PAFAH1B1: variants seen among roughly 807,000 people sequenced by gnomAD.
The protein encoded by PAFAH1B1 is platelet-activating factor acetylhydrolase IB subunit beta.
Under a neutral mutation model 57.5 loss-of-function variants are expected in PAFAH1B1, and 2 were observed. The observed-to-expected ratio is 0.03, with a 90% CI of 0.01 to 0.11. The LOEUF is 0.11. Among genes scored for constraint, PAFAH1B1 ranks in the 10% least tolerant of loss-of-function variants. The pLI, the probability that PAFAH1B1 is intolerant of heterozygous loss-of-function variation, is 1.00. For synonymous variants in PAFAH1B1, 152 were observed against 169.6 expected (o/e 0.90, Z 0.81); for missense variants, 257 against 512.0 (o/e 0.50, Z 4.81).
chr17:2,670,478 A>T (rs377329507), intron 6 of PAFAH1B1, 147 bp downstream of exon 6: 8 of 788,848 alleles, frequency 1.0e-5, no homozygotes, highest in South Asian at 4.4e-5. Context: ...TAGTCCAGGG[A>T]TAAGCCACAG....
chr17:2,683,044 TG>T lies in PAFAH1B1; in HGVS notation c.*1243del, dbSNP rs1172473558. 2 of 152,474 alleles carry T rather than the reference TG, an allele frequency of 1.3e-5. No homozygotes were observed. The highest frequency in any genetic ancestry group is 4.8e-5 in the African/African-American group (2 of 41,464). 9.4% of individuals were successfully genotyped at this position (152,474 alleles called of 1,614,324 possible). A position where few individuals can be genotyped will look rare whatever the true frequency, so the allele number is the denominator to read the frequency against. ...GAATAAATGTTGCTGTGGAATGCCA[TG>T]CTTTAGAACAAACCCTTTTTGATCT... On this transcript the variant is annotated 3_prime_UTR_variant, in exon 11 of 11. Transcript: ENST00000397195.
intron 1 of PAFAH1B1, among the ~76,000 whole-genome samples, chr17:2,617,452 C>A (rs1031171275): frequency 6.6e-6 from 1 of 152,148 alleles, no homozygotes; most frequent in Admixed American, 6.5e-5. Flanking sequence ...AAGAATTTTA[C>A]AACTTTTTCA....
chr17:2,639,000 C>T (rs755040498), intron 2 of PAFAH1B1, among the ~76,000 whole-genome samples: 2 of 151,816 alleles, frequency 1.3e-5, no homozygotes, highest in Non-Finnish European at 2.9e-5. Flanking sequence ...CCTGGGTTCA[C>T]GCCATTCTTC....
intron 2 of PAFAH1B1, among the ~76,000 whole-genome samples, chr17:2,652,832 A>G (rs554336649): frequency 4.8e-4 from 73 of 152,332 alleles, no homozygotes; most frequent in African/African-American, 1.7e-3. Context: ...ACTGTAAACT[A>G]GTTCAACCGT....
chr17:2,622,181 CT>C (rs2068433251), intron 1 of PAFAH1B1, among the ~76,000 whole-genome samples: 2 of 152,148 alleles, frequency 1.3e-5, no homozygotes, highest in African/African-American at 2.4e-5. Flanking sequence ...CATTCCACCC[CT>C]GGTCCCTCCA....
chr17:2,648,761 TA>T (rs35463848), intron 2 of PAFAH1B1, among the ~76,000 whole-genome samples: 43 of 147,682 alleles, frequency 2.9e-4, no homozygotes, highest in Admixed American at 6.1e-4. Flanking sequence ...TCCTGATGGT[TA>T]AAAAAAAAAA....
At position 2,679,942 on chromosome 17, in the gene PAFAH1B1, C is replaced by T. The variant is rs989597381; in HGVS notation, c.1003-222C>T. Reference sequence around the variant, plus strand: ...GTTATTTCCATAATGCCCTGCGGGACTTCTTTTTAACCCTCATCCAGGACC... The same window carrying T: ...GTTATTTCCATAATGCCCTGCGGGATTTCTTTTTAACCCTCATCCAGGACC... On this transcript the variant is annotated intron_variant, in intron 9 of 10. Coordinates refer to ENST00000397195, the MANE Select transcript of PAFAH1B1 (RefSeq NM_000430.4). 5.4e-6 allele frequency: 3 copies of T among 554,776 alleles called. No individual in the cohort carries two copies. In the East Asian group the frequency reaches 9.1e-5, roughly 17 times the overall value. The allele number at this position is 554,776 out of a possible 1,614,324, so 34.4% of individuals were successfully genotyped here. A position where few individuals can be genotyped will look rare whatever the true frequency, so the allele number is the denominator to read the frequency against.
At chr17:2,665,277 G>GT in intron 2 of PAFAH1B1, 95 bp from the exon 3 acceptor site, 2 of 755,568 alleles carry the variant, frequency 2.6e-6, no homozygotes, top group Non-Finnish European at 4.7e-6. Context: ...CTTGAAAAGA[G>GT]TATCTTCAGG....
intron 9 of PAFAH1B1, chr17:2,679,594 ATGGGTGGG>A (rs1339269310): frequency 7.5e-6 from 1 of 134,226 alleles, no homozygotes; most frequent in Non-Finnish European, 1.7e-5. Context: ...GGATAGATAG[ATGGGTGGG>A]TGGGTGGATG....
rs146755026 is a variant in PAFAH1B1, at chr17:2,638,928, C to T, written c.32+608C>T. Among the ~76,000 whole-genome samples, 871 of 146,398 alleles carry T rather than the reference C, an allele frequency of 5.9e-3. 5 individuals carry two copies. Among genetic ancestry groups the T allele is most frequent in the African/African-American group, 0.021 (829 of 39,556 alleles). On this transcript the variant is annotated intron_variant, in intron 2 of 10. Coordinates refer to ENST00000397195, the MANE Select transcript of PAFAH1B1 (RefSeq NM_000430.4). Reference sequence around the variant, plus strand: ...TTTATTTTTATTTTTGAGATGGACTCTCGTTCTGTCACCCAGGCTGGAGTG... The same window carrying T: ...TTTATTTTTATTTTTGAGATGGACTTTCGTTCTGTCACCCAGGCTGGAGTG...
In PAFAH1B1 at chr17:2,665,379, G is replaced by A. The variant is rs770331294; in HGVS notation, c.40G>A (p.Ala14Thr). 2 of 1,596,412 alleles carry A rather than the reference G, an allele frequency of 1.3e-6. No individual in the cohort carries two copies. The highest frequency in any genetic ancestry group is 1.7e-6 in the Non-Finnish European group (2 of 1,166,020). The change falls in exon 3 of 11, where the codon GCT (alanine) becomes ACT (threonine). Residue 14 changes from alanine (A) to threonine (T), a missense_variant. Ala to Thr is a moderately conservative substitution (Grantham distance 58, BLOSUM62 0). Transcript: ENST00000397195. ...SQRQRDELNR[A>T]IADYLRSNGY... ...TTTGAATTTTTCTTTCAGAAATCGA[G>A]CTATAGCAGATTATCTTCGTTCAAA... is the stretch of plus-strand genomic sequence containing the variant.
At chr17:2,621,676 A>G (rs561103132) in intron 1 of PAFAH1B1, among the ~76,000 whole-genome samples, 2 of 88,506 alleles carry the variant, frequency 2.3e-5, no homozygotes, top group South Asian at 8.8e-4. Context: ...CCCAGGCTGG[A>G]GTGCAGTGGC....
At chr17:2,597,995 C>T (rs1026049106) in intron 1 of PAFAH1B1, among the ~76,000 whole-genome samples, 1 of 151,832 alleles carries the variant, frequency 6.6e-6, no homozygotes, top group Non-Finnish European at 1.5e-5. Flanking sequence ...ACTTACACTC[C>T]CAGAACTTTG....
intron 1 of PAFAH1B1, among the ~76,000 whole-genome samples, chr17:2,602,468 C>G (rs1246469896): frequency 1.3e-5 from 2 of 152,184 alleles, no homozygotes; most frequent in Non-Finnish European, 1.5e-5. Context: ...CTTTCTTCCT[C>G]TATATCCAAT....
intron 2 of PAFAH1B1, among the ~76,000 whole-genome samples, chr17:2,646,639 CTG>C (rs1443429924): frequency 5.3e-5 from 8 of 152,058 alleles, no homozygotes; most frequent in African/African-American, 1.7e-4. Context: ...GAGTGAGACT[CTG>C]TCTCAAAAAA....
chr17:2,670,864 G>A (rs554359816), intron 6 of PAFAH1B1, among the ~76,000 whole-genome samples: 18 of 152,158 alleles, frequency 1.2e-4, no homozygotes, highest in African/African-American at 3.9e-4. Context: ...GTCTACTTAC[G>A]GTATTAGAAA....
rs1156959709 is a variant in PAFAH1B1 at position 2,614,018 on chromosome 17, T to TG, written c.-191+20015dup. 4.7e-5 allele frequency: 6 copies of TG among 127,614 alleles called. No individual in the cohort carries two copies. The South Asian group carries it at 1.1e-3, about 22-fold the overall frequency. 7.9% of individuals were successfully genotyped at this position (127,614 alleles called of 1,614,324 possible). A position where few individuals can be genotyped will look rare whatever the true frequency, so the allele number is the denominator to read the frequency against. ...TATATATTATATATTGTTTATATAT[T>TG]GGGTTTTTTTTTTTTTTTTTTTTTG... On this transcript the variant is annotated intron_variant, in intron 1 of 10. Coordinates refer to ENST00000397195, the MANE Select transcript of PAFAH1B1 (RefSeq NM_000430.4).
chr17:2,649,581 A>G (rs1255185527), intron 2 of PAFAH1B1, among the ~76,000 whole-genome samples: 3 of 152,160 alleles, frequency 2.0e-5, no homozygotes, highest in African/African-American at 7.2e-5. Context: ...CTCAAAATAA[A>G]TAAATAATAA....
chr17:2,631,348 GCATGCCGGATTCGCACCC>G, intron 1 of PAFAH1B1, among the ~76,000 whole-genome samples: 1 of 152,302 alleles, frequency 6.6e-6, no homozygotes, highest in East Asian at 1.9e-4. Flanking sequence ...TGTGAAGTCT[GCATGCCGGATTCGCACCC>G]TCCCCTGAGT....
Sources: allele counts gnomAD v4.1 joint callset (sites outside exome capture counted in the v4.1 genomes callset), GRCh38; gene constraint gnomAD v4.1.1; transcripts MANE v1.5; gene names NCBI Gene and HGNC (gene_info 2026-07-23, HGNC 2026-07-21).